Variants in C6orf89 observed in about 807,000 individuals in gnomAD.
C6orf89 encodes chromosome 6 open reading frame 89.
C6orf89 carries 29 observed loss-of-function variants against 40.7 expected under a neutral mutation model. The observed-to-expected ratio is 0.71, with a 90% CI of 0.53 to 0.97. C6orf89 has a LOEUF of 0.97. Among genes scored for constraint, C6orf89 ranks in the 50% least tolerant of loss-of-function variants. The pLI is 0.00. For synonymous variants in C6orf89, 165 were observed against 152.2 expected, an observed-to-expected ratio of 1.08 and a Z score of -0.62; for missense variants, 392 against 429.1, an observed-to-expected ratio of 0.91 and a Z score of 0.76.
intron 4 of C6orf89, among the ~76,000 whole-genome samples, chr6:36,910,922 TATTG>T (rs1320241168): frequency 6.6e-6 from 1 of 152,206 alleles, no homozygotes; most frequent in African/African-American, 2.4e-5. Flanking sequence ...GTAAGAAAGC[TATTG>T]ATTTTTATGT....
intron 1 of C6orf89, among the ~76,000 whole-genome samples, chr6:36,888,484 A>G (rs778976692): frequency 1.3e-5 from 2 of 152,184 alleles, no homozygotes. Context: ...AAATACAAAA[A>G]TTAGCTGAGT....
Position 36,904,125 on chromosome 6 carries a change from A to G in C6orf89, c.403+1691A>G, listed in dbSNP as rs149871013. The stretch of plus-strand genomic sequence containing the variant: ...AAAGCCTCCCTAACGGCAACTCCTG[A>G]TGAGTTTTCCTGACCTGGTTGATGG... On this transcript the variant is annotated intron_variant, in intron 4 of 8. Transcript: ENST00000480824. Among the ~76,000 whole-genome samples the G allele has an allele frequency of 2.6e-5, 4 of 152,156 alleles. No individual in the cohort carries two copies. The East Asian group carries it at 7.7e-4, about 29-fold the overall frequency.
intron 1 of C6orf89, among the ~76,000 whole-genome samples, chr6:36,887,328 G>T (rs1206238849): frequency 6.6e-6 from 1 of 152,184 alleles, no homozygotes; most frequent in Non-Finnish European, 1.5e-5. Flanking sequence ...AGTTCGGAAT[G>T]ATAATTTTAG....
chr6:36,909,573 AT>A (rs1762047726), intron 4 of C6orf89, among the ~76,000 whole-genome samples: 1 of 151,972 alleles, frequency 6.6e-6, no homozygotes, highest in Non-Finnish European at 1.5e-5. Flanking sequence ...CCCATTAAAA[AT>A]TTTTTTATCT....
chr6:36,897,535 G>T (rs1020013743), intron 2 of C6orf89, among the ~76,000 whole-genome samples: 1 of 152,136 alleles, frequency 6.6e-6, no homozygotes, highest in Non-Finnish European at 1.5e-5. Flanking sequence ...ATAGTGTGGT[G>T]GGCTCTTCTC....
At position 36,894,540 on chromosome 6, in the gene C6orf89, G is replaced by T; in HGVS notation, c.-83G>T. 3.0e-6 allele frequency: 3 copies of T among 985,270 alleles called. No homozygotes were observed. The highest frequency in any genetic ancestry group is 3.6e-6 in the Non-Finnish European group (3 of 829,880). 61.0% of individuals were successfully genotyped at this position (985,270 alleles called of 1,614,324 possible). ...GTCAATCATTTTCCAGTTCTCAGCC[G>T]CTCAGTTGTGATCAAGGGACACGTG... On this transcript the variant is annotated 5_prime_UTR_variant, in exon 2 of 9. Coordinates refer to ENST00000480824, the MANE Select transcript of C6orf89 (RefSeq NM_001286635.2).
chr6:36,919,693 G>A lies in C6orf89; in HGVS notation c.941G>A (p.Gly314Glu). Reference sequence around the variant, plus strand: ...TCTGTGGCCATGCCAATAGAGCCAGGGGATATCGGTATGTAGGGCCCCAGG... The same window carrying A: ...TCTGTGGCCATGCCAATAGAGCCAGAGGATATCGGTATGTAGGGCCCCAGG... ...CQSVAMPIEPGDIGYVDTTHW... is the reference protein window; with the variant it reads ...CQSVAMPIEPEDIGYVDTTHW... Residue 314 changes from glycine (G) to glutamate (E), a missense_variant, in exon 8 of 9, where the codon GGG (glycine) becomes GAG (glutamate). Gly to Glu is a moderately conservative substitution (Grantham distance 98, BLOSUM62 -2). Transcript: ENST00000480824. 6.2e-7 allele frequency: 1 copy of A among 1,612,562 alleles called. No homozygotes were observed. Among genetic ancestry groups the A allele is most frequent in the Non-Finnish European group, 8.5e-7 (1 of 1,179,032 alleles).
rs2150709964 is a variant in C6orf89, at chr6:36,914,617, G to A, written c.619G>A (p.Glu207Lys). 6.2e-7 allele frequency: 1 copy of A among 1,614,256 alleles called. No homozygotes were observed. Among genetic ancestry groups the A allele is most frequent in the South Asian group, 1.1e-5 (1 of 91,090 alleles). ...HFLCQYPEAT[E>K]GFSEGFFAKW... ...TTTGTGCCAGTACCCTGAGGCGACA[G>A]AAGGCTTCTCTGAAGGGTTTTTCGC... Residue 207 changes from glutamate (E) to lysine (K), a missense_variant, in exon 6 of 9, where the codon GAA becomes AAA. Glu to Lys is a moderately conservative substitution (Grantham distance 56). Transcript: ENST00000480824.
rs1209587357 is a variant in C6orf89 at position 36,926,636 on chromosome 6, G to C, written c.*3195G>C. ...GGAGGAGAGGAGAGCAGATTGGGGGGGCTCATGTTCTGAGAGAAAGGAATA... is the reference window on the plus strand; with the variant it reads ...GGAGGAGAGGAGAGCAGATTGGGGGCGCTCATGTTCTGAGAGAAAGGAATA... On this transcript the variant is annotated 3_prime_UTR_variant, in exon 9 of 9. Transcript: ENST00000480824. The C allele has an allele frequency of 6.8e-6, 1 of 146,552 alleles. No homozygotes were observed. Among genetic ancestry groups the C allele is most frequent in the Non-Finnish European group, 1.5e-5 (1 of 66,728 alleles). 9.1% of individuals were successfully genotyped at this position (146,552 alleles called of 1,614,324 possible).
intron 1 of C6orf89, chr6:36,892,718 A>T (rs1238713756): frequency 2.0e-5 from 3 of 152,202 alleles, no homozygotes; most frequent in Non-Finnish European, 4.4e-5. Context: ...GGTGCATGAT[A>T]CTTTGATCCT....
upstream of C6orf89, among the ~76,000 whole-genome samples, chr6:36,882,722 T>TTC (rs1169859416): frequency 6.4e-5 from 8 of 124,738 alleles, no homozygotes; most frequent in African/African-American, 2.3e-4. Context: ...TCTTTTTTTT[T>TTC]TTTTCTTTTT....
In C6orf89 at chr6:36,926,312, C is replaced by G. The variant is rs1023799273; in HGVS notation, c.*2871C>G. 2 of 152,186 alleles carry G rather than the reference C, an allele frequency of 1.3e-5. No homozygotes were observed. The highest frequency in any genetic ancestry group is 1.3e-4 in the Admixed American group (2 of 15,286). The allele number at this position is 152,186 out of a possible 1,614,324, so 9.4% of individuals were successfully genotyped here. A position where few individuals can be genotyped will look rare whatever the true frequency, so the allele number is the denominator to read the frequency against. On this transcript the variant is annotated 3_prime_UTR_variant, in exon 9 of 9. Transcript: ENST00000480824. ...CTTTGGGAGGCTGAGGCAGGCAGAT[C>G]ACTTGAGGTCAGGAGTTCAAGACCA...
rs1298605206 is a variant in C6orf89, at chr6:36,914,265, A to C, written c.404-19A>C. On this transcript the variant is annotated intron_variant, in intron 4 of 8. Coordinates refer to ENST00000480824, the MANE Select transcript of C6orf89 (RefSeq NM_001286635.2). ...TGCTCTTTCAGTATCTGTTTTCTCC[A>C]TATCCCTTCCTCTCTCAGACTTTGA... is the stretch of plus-strand genomic sequence containing the variant. 1 of 1,607,780 alleles carries C rather than the reference A, an allele frequency of 6.2e-7. No individual in the cohort carries two copies. The highest frequency in any genetic ancestry group is 2.2e-5 in the East Asian group (1 of 44,790).
chr6:36,872,497 T>C (rs1774533452), intron 1 of C6orf89, among the ~76,000 whole-genome samples: 1 of 152,132 alleles, frequency 6.6e-6, no homozygotes, highest in South Asian at 2.1e-4. Context: ...CCCAATAGGA[T>C]GAGTGCTTTT....
Position 36,880,073 on chromosome 6 carries a change from TC to T in C6orf89, c.-503+943del, listed in dbSNP as rs1774762884. Reference sequence around the variant, plus strand: ...CTGCATAACCTTCTCTAGTCTCTTCTCCTCCACAGACTATCTTAAATTTTCC... The same window carrying T: ...CTGCATAACCTTCTCTAGTCTCTTCTCTCCACAGACTATCTTAAATTTTCC... On this transcript the variant is annotated intron_variant, in intron 2 of 9. Coordinates refer to the C6orf89 transcript ENST00000359359. Among the ~76,000 whole-genome samples, 4 of 152,324 alleles carry T rather than the reference TC, an allele frequency of 2.6e-5. No individual in the cohort carries two copies. In the South Asian group the frequency reaches 8.3e-4, roughly 32 times the overall value.
At chr6:36,891,519 A>G (rs1406691320) in intron 1 of C6orf89, among the ~76,000 whole-genome samples, 1 of 152,158 alleles carries the variant, frequency 6.6e-6, no homozygotes, top group African/African-American at 2.4e-5. Context: ...CAGTAATGGG[A>G]TGGCTGGGTC....
chr6:36,887,150 T>A (rs1393556726), intron 1 of C6orf89, among the ~76,000 whole-genome samples: 2 of 151,458 alleles, frequency 1.3e-5, no homozygotes, highest in Non-Finnish European at 2.9e-5. Flanking sequence ...AGTCTCACAC[T>A]GTCGCCCAGG....
At chr6:36,871,936 G>A in exon 1 of C6orf89, 1 of 1,403,712 alleles carries the variant, frequency 7.1e-7, no homozygotes, top group Non-Finnish European at 9.5e-7. Flanking sequence ...GAGTATTATG[G>A]AACTGCTCCA....
At chr6:36,875,001 G>A (rs972949172) in intron 1 of C6orf89, 41 of 545,206 alleles carry the variant, frequency 7.5e-5, no homozygotes, top group African/African-American at 7.3e-4. Context: ...CTTCATTCGC[G>A]GTGGTCTCCA....
Sources: gnomAD v4.1 joint callset for allele counts (sites outside exome capture counted in the v4.1 genomes callset) on GRCh38, gnomAD v4.1.1 for gene constraint, MANE v1.5 for transcripts, NCBI Gene and HGNC (gene_info 2026-07-23, HGNC 2026-07-21) for gene names.